Variants in BACH2 observed in about 807,000 individuals in gnomAD.
BACH2 encodes transcription regulator protein BACH2.
A neutral mutation model predicts 61.8 loss-of-function variants in BACH2; 5 were observed. That is an observed-to-expected ratio of 0.08 (90% confidence interval 0.04 to 0.17). BACH2 has a LOEUF of 0.17. Ranked by LOEUF, BACH2 falls within the 10% of genes least tolerant of loss-of-function variation. The pLI, the probability that BACH2 is intolerant of heterozygous loss-of-function variation, is 1.00. For missense variants in BACH2, 824 were observed against 1,091.1 expected (o/e 0.76, Z 3.45); for synonymous variants, 446 against 440.1 (o/e 1.01, Z -0.17).
chr6:89,927,883 A>G lies in BACH2; in HGVS notation c.*4525T>C, dbSNP rs563636475. 2 of 152,746 alleles carry G rather than the reference A, an allele frequency of 1.3e-5. No homozygotes were observed. Among genetic ancestry groups the G allele is most frequent in the South Asian group, 2.1e-4 (1 of 4,828 alleles). 9.5% of individuals were successfully genotyped at this position (152,746 alleles called of 1,614,324 possible). On this transcript the variant is annotated 3_prime_UTR_variant, in exon 9 of 9. Coordinates refer to ENST00000257749, the MANE Select transcript of BACH2 (RefSeq NM_021813.4). ...ATTTGCACACACTATTTGTGTACAGATATGTTCTGTTCTACAGCATCGGTT... is the reference window on the plus strand; with the variant it reads ...ATTTGCACACACTATTTGTGTACAGGTATGTTCTGTTCTACAGCATCGGTT...
At chr6:89,984,362 TA>T (rs1410658278) in intron 6 of BACH2, among the ~76,000 whole-genome samples, 5 of 152,030 alleles carry the variant, frequency 3.3e-5, no homozygotes, top group Non-Finnish European at 4.4e-5. Context: ...AAATTAGTCC[TA>T]AACAAGTAAT....
chr6:90,161,536 T>C (rs1296822576), intron 4 of BACH2, among the ~76,000 whole-genome samples: 2 of 152,184 alleles, frequency 1.3e-5, no homozygotes, highest in Non-Finnish European at 2.9e-5. Flanking sequence ...AACAATAAAG[T>C]ACACATGTGC....
At chr6:90,186,586 T>C (rs1334363169) in intron 4 of BACH2, among the ~76,000 whole-genome samples, 1 of 152,184 alleles carries the variant, frequency 6.6e-6, no homozygotes, top group Non-Finnish European at 1.5e-5. Flanking sequence ...CTTTCAAGGT[T>C]ATCGTAAAAT....
At chr6:90,285,742 G>A (rs142441625) in intron 1 of BACH2, among the ~76,000 whole-genome samples, 2 of 152,268 alleles carry the variant, frequency 1.3e-5, no homozygotes, top group African/African-American at 4.8e-5. Flanking sequence ...CCAGCAGCCC[G>A]GAGCTCTCCA....
chr6:90,079,034 CTCAG>C (rs1284549572), intron 5 of BACH2, among the ~76,000 whole-genome samples: 3 of 152,184 alleles, frequency 2.0e-5, no homozygotes, highest in Non-Finnish European at 4.4e-5. Context: ...GCCACAACCA[CTCAG>C]TCAGTGGAAT....
At chr6:89,968,356 C>A (rs556240703) in intron 6 of BACH2, among the ~76,000 whole-genome samples, 1 of 152,336 alleles carries the variant, frequency 6.6e-6, no homozygotes, top group Admixed American at 6.5e-5. Context: ...ATTAGAAATT[C>A]CTCAAAGTCA....
intron 4 of BACH2, among the ~76,000 whole-genome samples, 182 bp downstream of exon 4, chr6:90,206,387 C>G (rs190553033): frequency 6.6e-6 from 1 of 152,110 alleles, no homozygotes; most frequent in African/African-American, 2.4e-5. Flanking sequence ...CAGAGGACTA[C>G]GCAGCCAGAG....
intron 4 of BACH2, among the ~76,000 whole-genome samples, chr6:90,184,902 T>C (rs1325252578): frequency 6.6e-6 from 1 of 152,230 alleles, no homozygotes; most frequent in Non-Finnish European, 1.5e-5. Flanking sequence ...TTTTCATTTG[T>C]GTCCATGAAT....
chr6:90,119,028 A>G (rs541891976), intron 4 of BACH2, among the ~76,000 whole-genome samples: 2 of 152,328 alleles, frequency 1.3e-5, no homozygotes, highest in East Asian at 3.9e-4. Context: ...CTATCTATCA[A>G]ATGTTCAGAA....
At chr6:89,958,375 T>A (rs764666969) in intron 6 of BACH2, among the ~76,000 whole-genome samples, 8 of 152,200 alleles carry the variant, frequency 5.3e-5, no homozygotes, top group Non-Finnish European at 8.8e-5. Context: ...AAGTCTCAGC[T>A]CTGCTGTCTA....
At chr6:90,149,873 G>A (rs1784752507) in intron 4 of BACH2, among the ~76,000 whole-genome samples, 1 of 152,152 alleles carries the variant, frequency 6.6e-6, no homozygotes, top group Non-Finnish European at 1.5e-5. Flanking sequence ...TATCATTTAG[G>A]GAGGAGCATA....
At chr6:90,286,998 G>A (rs1772039373) in intron 1 of BACH2, among the ~76,000 whole-genome samples, 1 of 152,166 alleles carries the variant, frequency 6.6e-6, no homozygotes, top group Admixed American at 6.5e-5. Context: ...TAGACAGTGT[G>A]TTCCCAGAGA....
At chr6:90,193,652 A>G (rs1428925933) in intron 4 of BACH2, among the ~76,000 whole-genome samples, 2 of 152,226 alleles carry the variant, frequency 1.3e-5, no homozygotes, top group East Asian at 3.8e-4. Flanking sequence ...TCACCTCTCA[A>G]TAAAAGCACT....
intron 4 of BACH2, among the ~76,000 whole-genome samples, chr6:90,202,941 C>A (rs1769005210): frequency 6.6e-6 from 1 of 152,158 alleles, no homozygotes; most frequent in Admixed American, 6.6e-5. Context: ...TTGGCTATGG[C>A]TTTTAAGTGA....
At chr6:89,959,573 C>T (rs1331283579) in intron 6 of BACH2, among the ~76,000 whole-genome samples, 2 of 152,140 alleles carry the variant, frequency 1.3e-5, no homozygotes, top group African/African-American at 4.8e-5. Context: ...ACTGTTGAGG[C>T]CAGAACCAAA....
At chr6:90,014,052 G>A (rs1219992285) in intron 5 of BACH2, among the ~76,000 whole-genome samples, 1 of 151,936 alleles carries the variant, frequency 6.6e-6, no homozygotes, top group Non-Finnish European at 1.5e-5. Flanking sequence ...TCAAAGTGTT[G>A]GGATTACAGG....
intron 3 of BACH2, 62 bp downstream of exon 3, chr6:90,252,451 T>A (rs1770842321): frequency 6.6e-6 from 1 of 152,224 alleles, no homozygotes; most frequent in Non-Finnish European, 1.5e-5. Context: ...TGAGATGATA[T>A]TAATAAAATT....
intron 4 of BACH2, among the ~76,000 whole-genome samples, chr6:90,204,604 G>A (rs1376962824): frequency 2.0e-5 from 3 of 152,172 alleles, no homozygotes; most frequent in South Asian, 4.1e-4. Flanking sequence ...GCTGTGTGTG[G>A]AGAGTGAATC....
chr6:90,247,304 T>C (rs755957419), intron 3 of BACH2, among the ~76,000 whole-genome samples: 17 of 151,572 alleles, frequency 1.1e-4, no homozygotes, highest in Non-Finnish European at 2.2e-4. Flanking sequence ...GTGGTCATCA[T>C]AGCTCATTGC....
Sources: gnomAD v4.1 joint callset for allele counts (sites outside exome capture counted in the v4.1 genomes callset) on GRCh38, gnomAD v4.1.1 for gene constraint, MANE v1.5 for transcripts, NCBI Gene and HGNC (gene_info 2026-07-23, HGNC 2026-07-21) for gene names.